The following DYTN variants were observed in gnomAD, a reference collection of about 807,000 sequenced individuals.
DYTN encodes the protein dystrotelin.
In DYTN, 75 loss-of-function variants were observed where a neutral mutation model predicts 69.6. The ratio of observed to expected loss-of-function variants is 1.08; its 90% confidence interval spans 0.89 to 1.31. The LOEUF (loss-of-function observed/expected upper bound fraction) is 1.31. Ranked by LOEUF, DYTN falls within the 50% of genes most tolerant of loss-of-function variation. The probability of loss-of-function intolerance (pLI) is 0.00; values close to 1 mark genes in which losing one functional copy is unlikely to be tolerated. For synonymous variants in DYTN, 252 were observed against 249.1 expected, an observed-to-expected ratio of 1.01 and a Z score of -0.11; for missense variants, 726 against 688.4, an observed-to-expected ratio of 1.05 and a Z score of -0.61.
chr2:206,718,393 G>A lies in DYTN; in HGVS notation c.-114C>T. ...GGAATGAGGACAGGGGAACAAAAAG[G>A]CAACTAAACAAATCATTTTACCTGT... On this transcript the variant is annotated 5_prime_UTR_variant, in exon 1 of 12. Coordinates refer to ENST00000452335, the MANE Select transcript of DYTN (RefSeq NM_001093730.1). The A allele has an allele frequency of 1.8e-6, 2 of 1,112,998 alleles. No homozygotes were observed. The highest frequency in any genetic ancestry group is 2.7e-5 in the East Asian group (1 of 36,480). 68.9% of individuals were successfully genotyped at this position (1,112,998 alleles called of 1,614,324 possible).
At chr2:206,713,566 T>C (rs1312451037) in intron 1 of DYTN, among the ~76,000 whole-genome samples, 1 of 152,180 alleles carries the variant, frequency 6.6e-6, no homozygotes. Flanking sequence ...GTTTTCTTTG[T>C]AAAGTTGAGG....
At chr2:206,679,805 G>A (rs1699730417) in intron 9 of DYTN, among the ~76,000 whole-genome samples, 1 of 152,184 alleles carries the variant, frequency 6.6e-6, no homozygotes, top group South Asian at 2.1e-4. Context: ...TACCAGGGGT[G>A]TGCATTTTGG....
At chr2:206,677,560 T>C (rs1699703989) in intron 9 of DYTN, among the ~76,000 whole-genome samples, 1 of 152,168 alleles carries the variant, frequency 6.6e-6, no homozygotes, top group South Asian at 2.1e-4. Context: ...AAAAACCAGA[T>C]AGATTTAAAA....
intron 8 of DYTN, 113 bp downstream of exon 8, chr2:206,694,653 C>T (rs1699900390): frequency 2.7e-6 from 2 of 742,072 alleles, no homozygotes; most frequent in Admixed American, 6.6e-5. Context: ...TTAAATATTG[C>T]AATGTATGAC....
At chr2:206,666,767 GTGTTATC>G (rs1469039670) in intron 9 of DYTN, among the ~76,000 whole-genome samples, 1 of 137,624 alleles carries the variant, frequency 7.3e-6, no homozygotes, top group Non-Finnish European at 1.6e-5. Flanking sequence ...GTGTGTGTGT[GTGTTATC>G]TTAGTGCTTT....
intron 4 of DYTN, 114 bp downstream of exon 4, chr2:206,705,674 C>A: frequency 1.2e-6 from 1 of 851,446 alleles, no homozygotes; most frequent in East Asian, 2.8e-5. Context: ...TTAATAAACA[C>A]ATAAGTCATG....
At chr2:206,672,694 G>A (rs1182329976) in intron 9 of DYTN, among the ~76,000 whole-genome samples, 1 of 152,208 alleles carries the variant, frequency 6.6e-6, no homozygotes, top group Non-Finnish European at 1.5e-5. Flanking sequence ...GACTATTACA[G>A]ATGACCATAT....
At chr2:206,704,193 G>A (rs983270389) in intron 5 of DYTN, among the ~76,000 whole-genome samples, 26 of 152,142 alleles carry the variant, frequency 1.7e-4, no homozygotes, top group African/African-American at 6.0e-4. Context: ...AGTCCAGTGG[G>A]GAAGCATCAT....
chr2:206,707,219 A>C, intron 3 of DYTN, 83 bp downstream of exon 3: 2 of 1,500,804 alleles, frequency 1.3e-6, no homozygotes. Context: ...CCTCAAGCAA[A>C]TATTAGCCAG....
chr2:206,661,020 G>A (rs549792614), intron 11 of DYTN, among the ~76,000 whole-genome samples: 44 of 152,196 alleles, frequency 2.9e-4, no homozygotes, highest in Non-Finnish European at 5.0e-4. Context: ...AAATGAGGTC[G>A]CTAGGATGAG....
intron 9 of DYTN, among the ~76,000 whole-genome samples, chr2:206,673,724 A>G (rs1039958033): frequency 6.6e-6 from 1 of 152,218 alleles, no homozygotes; most frequent in Non-Finnish European, 1.5e-5. Flanking sequence ...GTTGAATGCA[A>G]CCTATCTTAG....
chr2:206,688,201 C>T (rs962365254), intron 9 of DYTN, among the ~76,000 whole-genome samples: 9 of 152,158 alleles, frequency 5.9e-5, no homozygotes, highest in Non-Finnish European at 8.8e-5. Flanking sequence ...AATGCACAAC[C>T]TTGTTTTATG....
chr2:206,665,821 G>T, intron 10 of DYTN, 49 bp downstream of exon 10: 1 of 1,591,902 alleles, frequency 6.3e-7, no homozygotes. Context: ...AGGACTCAAG[G>T]TTAGACTTCC....
intron 9 of DYTN, among the ~76,000 whole-genome samples, chr2:206,691,958 A>G (rs1167657964): frequency 1.3e-5 from 2 of 152,172 alleles, no homozygotes; most frequent in Non-Finnish European, 2.9e-5. Context: ...GCAAAATGGA[A>G]GTGAATAAAT....
intron 1 of DYTN, among the ~76,000 whole-genome samples, chr2:206,711,917 G>C (rs939093927): frequency 4.6e-5 from 7 of 152,078 alleles, no homozygotes; most frequent in Non-Finnish European, 1.0e-4. Flanking sequence ...GGAGCTTTCT[G>C]TTGCTGAAGA....
At chr2:206,681,953 A>G (rs958917688) in intron 9 of DYTN, among the ~76,000 whole-genome samples, 9 of 152,180 alleles carry the variant, frequency 5.9e-5, no homozygotes, top group Admixed American at 3.3e-4. Context: ...AAGGAATGGT[A>G]CCAGCTCCTC....
At chr2:206,699,597 A>G (rs1699954346) in intron 7 of DYTN, 130 bp downstream of exon 7, 5 of 1,150,196 alleles carry the variant, frequency 4.3e-6, no homozygotes, top group Non-Finnish European at 5.9e-6. Context: ...CCAGGAAATC[A>G]TTGAGCCAAA....
chr2:206,676,731 G>A (rs1413996412), intron 9 of DYTN, among the ~76,000 whole-genome samples: 2 of 152,122 alleles, frequency 1.3e-5, no homozygotes, highest in South Asian at 2.1e-4. Flanking sequence ...TAACAGCACT[G>A]TGTATTGTAT....
intron 9 of DYTN, among the ~76,000 whole-genome samples, chr2:206,689,879 TTCAG>T (rs112941171): frequency 3.0e-4 from 45 of 152,284 alleles, no homozygotes; most frequent in African/African-American, 6.7e-4. Flanking sequence ...CATTCATTCA[TTCAG>T]TCAGTCAGTC....
Sources: allele counts gnomAD v4.1 joint callset (sites outside exome capture counted in the v4.1 genomes callset), GRCh38; gene constraint gnomAD v4.1.1; transcripts MANE v1.5; gene names NCBI Gene and HGNC (gene_info 2026-07-23, HGNC 2026-07-21).